The following TAPT1 variants were observed in gnomAD, a reference collection of about 807,000 sequenced individuals.
The protein encoded by TAPT1 is transmembrane anterior posterior transformation protein 1 homolog.
A neutral mutation model predicts 65.6 loss-of-function variants in TAPT1; 28 were observed. The ratio of observed to expected loss-of-function variants is 0.43; its 90% CI spans 0.32 to 0.59. The LOEUF (loss-of-function observed/expected upper bound fraction) is 0.59, where lower values mean the gene tolerates loss of function less well. TAPT1 is among the 20% of genes least tolerant of loss of function. The probability of loss-of-function intolerance (pLI) is 0.09; values close to 1 mark genes in which losing one functional copy is unlikely to be tolerated. For missense variants in TAPT1, 563 were observed against 679.9 expected (o/e 0.83, Z 1.91); for synonymous variants, 278 against 245.2 (o/e 1.13, Z -1.25).
At chr4:16,185,159 C>CT (rs961331730) in intron 7 of TAPT1, among the ~76,000 whole-genome samples, 1,858 of 147,112 alleles carry the variant, frequency 0.013, 27 homozygotes, top group Admixed American at 0.041. Context: ...GGCCAAAGTT[C>CT]TTTTTTTTTT....
chr4:16,222,141 G>C (rs749620029), intron 1 of TAPT1, among the ~76,000 whole-genome samples: 1 of 152,184 alleles, frequency 6.6e-6, no homozygotes, highest in Non-Finnish European at 1.5e-5. Context: ...TGCTATATAG[G>C]CTTTCCAGAG....
chr4:16,186,647 T>C (rs753554300), intron 6 of TAPT1, 43 bp from the exon 7 acceptor site: 8 of 1,434,168 alleles, frequency 5.6e-6, no homozygotes, highest in Non-Finnish European at 7.7e-6. Flanking sequence ...ATTATAACAG[T>C]TTAAAAACTG....
chr4:16,205,749 T>C (rs1251273441), intron 2 of TAPT1, among the ~76,000 whole-genome samples: 1 of 151,896 alleles, frequency 6.6e-6, no homozygotes, highest in Non-Finnish European at 1.5e-5. Context: ...CATGCACAGG[T>C]ACAATGTGAG....
At chr4:16,214,311 G>C (rs1317986181) in intron 1 of TAPT1, 1 of 152,930 alleles carries the variant, frequency 6.5e-6, no homozygotes, top group African/African-American at 2.4e-5. Flanking sequence ...TTTAGTCCAA[G>C]AACCATCCTG....
rs1747206640 is a variant in TAPT1 at position 16,160,697 on chromosome 4, C to A, written c.*2611G>T. On this transcript the variant is annotated 3_prime_UTR_variant, in exon 14 of 14. Transcript: ENST00000405303. The stretch of plus-strand genomic sequence containing the variant: ...TTTCTGACACATAGGAAGTGATTAA[C>A]AAATCTTTGTTGATAAAAAATAGTT... The A allele has an allele frequency of 6.6e-6, 1 of 152,136 alleles. No individual in the cohort carries two copies. The highest frequency in any genetic ancestry group is 2.4e-5 in the African/African-American group (1 of 41,412). The allele number at this position is 152,136 out of a possible 1,614,324, so 9.4% of individuals were successfully genotyped here.
rs944376732 is a variant in TAPT1, at chr4:16,161,600, C to T, written c.*1708G>A. ...GTAAAGGGAGATGGAAAAAATAATT[C>T]TAAAATGGGGCTCCATTAAAACACA... On this transcript the variant is annotated 3_prime_UTR_variant, in exon 14 of 14. Transcript: ENST00000405303. The T allele has an allele frequency of 3.0e-4, 45 of 152,500 alleles. No homozygotes were observed. The highest frequency in any genetic ancestry group is 1.0e-3 in the African/African-American group (43 of 41,426). The allele number at this position is 152,500 out of a possible 1,614,324, so 9.4% of individuals were successfully genotyped here. A position where few individuals can be genotyped will look rare whatever the true frequency, so the allele number is the denominator to read the frequency against.
chr4:16,204,685 G>A (rs933778210), intron 2 of TAPT1, among the ~76,000 whole-genome samples: 4 of 152,242 alleles, frequency 2.6e-5, no homozygotes, highest in African/African-American at 7.2e-5. Context: ...CTTGGGCCCT[G>A]CCTGTGCATG....
chr4:16,224,645 G>A (rs1751444768), intron 1 of TAPT1, among the ~76,000 whole-genome samples: 1 of 152,152 alleles, frequency 6.6e-6, no homozygotes, highest in African/African-American at 2.4e-5. Context: ...AAACCTGGAG[G>A]CATCTCCCTG....
chr4:16,226,042 G>A (rs1280813475), intron 1 of TAPT1: 1 of 1,008,804 alleles, frequency 9.9e-7, no homozygotes. Flanking sequence ...GCGCGGCCGC[G>A]GGGGCCTCGG....
chr4:16,174,629 GC>G, intron 10 of TAPT1, 40 bp downstream of exon 10: 1 of 1,503,490 alleles, frequency 6.7e-7, no homozygotes, highest in Non-Finnish European at 9.0e-7. Flanking sequence ...TTCAGACTAT[GC>G]CTTTGTTAAT....
At chr4:16,213,546 GA>G (rs1483033383) in intron 2 of TAPT1, among the ~76,000 whole-genome samples, 1 of 152,194 alleles carries the variant, frequency 6.6e-6, no homozygotes, top group Non-Finnish European at 1.5e-5. Context: ...ATGATAGGCA[GA>G]AAAGTTCAGA....
intron 2 of TAPT1, among the ~76,000 whole-genome samples, chr4:16,209,541 T>C (rs1750540351): frequency 6.6e-6 from 1 of 152,244 alleles, no homozygotes; most frequent in African/African-American, 2.4e-5. Flanking sequence ...TACTATTTAC[T>C]GTAGCTTTAG....
chr4:16,198,262 C>G (rs1578455184), intron 3 of TAPT1, among the ~76,000 whole-genome samples: 1 of 152,282 alleles, frequency 6.6e-6, no homozygotes, highest in East Asian at 1.9e-4. Context: ...AAGCAGAGAA[C>G]ACGGGGGTCT....
chr4:16,163,557 T>C lies in TAPT1; in HGVS notation c.1475-20A>G, dbSNP rs1349343128. ...AAAGGCCTGTGATAAAATAGATCCATTAAATTAGAGAAAGACTTTTCTCCA... is the reference window on the plus strand; with the variant it reads ...AAAGGCCTGTGATAAAATAGATCCACTAAATTAGAGAAAGACTTTTCTCCA... On this transcript the variant is annotated intron_variant, in intron 13 of 13. Coordinates refer to ENST00000405303, the MANE Select transcript of TAPT1 (RefSeq NM_153365.3). 6.4e-7 allele frequency: 1 copy of C among 1,564,026 alleles called. No individual in the cohort carries two copies. The highest frequency in any genetic ancestry group is 8.8e-7 in the Non-Finnish European group (1 of 1,140,436).
chr4:16,221,998 G>A (rs1182502898), intron 1 of TAPT1, among the ~76,000 whole-genome samples: 1 of 152,162 alleles, frequency 6.6e-6, no homozygotes, highest in Non-Finnish European at 1.5e-5. Flanking sequence ...ATTTAGAGGA[G>A]TAAAGAGTAG....
chr4:16,182,657 G>A lies in TAPT1; in HGVS notation c.917-3000C>T, dbSNP rs1023984784. The stretch of plus-strand genomic sequence containing the variant: ...ACTCCAGACAACCTAACTCCTGAAG[G>A]ACCTTTCTAAATGCACAGTTCACAT... On this transcript the variant is annotated intron_variant, in intron 7 of 13. Transcript: ENST00000405303. Among the ~76,000 whole-genome samples the A allele has an allele frequency of 1.2e-4, 19 of 152,128 alleles. 1 individual carries two copies. The highest frequency in any genetic ancestry group is 1.5e-5 in the Non-Finnish European group (1 of 68,014).
At chr4:16,175,697 C>T (rs963066696) in intron 9 of TAPT1, among the ~76,000 whole-genome samples, 1 of 152,078 alleles carries the variant, frequency 6.6e-6, no homozygotes, top group Non-Finnish European at 1.5e-5. Flanking sequence ...AATGTAGGCT[C>T]TCGTCTTCTA....
At chr4:16,193,908 T>C (rs779721281) in intron 3 of TAPT1, among the ~76,000 whole-genome samples, 6 of 152,230 alleles carry the variant, frequency 3.9e-5, no homozygotes, top group Admixed American at 6.5e-5. Flanking sequence ...GTGTTAATTA[T>C]GAAAATAATT....
intron 2 of TAPT1, among the ~76,000 whole-genome samples, chr4:16,208,536 T>C (rs2149708485): frequency 6.6e-6 from 1 of 152,306 alleles, no homozygotes; most frequent in Non-Finnish European, 1.5e-5. Flanking sequence ...TTGTTTATAA[T>C]GCAGATGTAA....
Sources: allele counts gnomAD v4.1 joint callset (sites outside exome capture counted in the v4.1 genomes callset), GRCh38; gene constraint gnomAD v4.1.1; transcripts MANE v1.5; gene names NCBI Gene and HGNC (gene_info 2026-07-23, HGNC 2026-07-21).